The following CCDC191 variants were observed in gnomAD, a reference collection of about 807,000 sequenced individuals.
The protein encoded by CCDC191 is coiled-coil domain-containing protein 191.
CCDC191 carries 99 observed loss-of-function variants against 114.0 expected under a neutral mutation model. The ratio of observed to expected loss-of-function variants is 0.87; its 90% confidence interval spans 0.74 to 1.03. The LOEUF is 1.03. Ranked by LOEUF, CCDC191 falls within the 50% of genes least tolerant of loss-of-function variation. CCDC191 has a pLI of 0.00. For synonymous variants in CCDC191, 351 were observed against 376.0 expected (o/e 0.93, Z 0.77); for missense variants, 973 against 1,087.0 (o/e 0.90, Z 1.47).
intron 5 of CCDC191, among the ~76,000 whole-genome samples, chr3:114,035,504 T>G (rs951620861): frequency 7.9e-5 from 12 of 152,244 alleles, no homozygotes; most frequent in Non-Finnish European, 1.8e-4. Flanking sequence ...ACTTAGGTCA[T>G]GTCTGCATTC....
At chr3:114,032,384 A>G (rs1249052823) in intron 6 of CCDC191, among the ~76,000 whole-genome samples, 2 of 152,106 alleles carry the variant, frequency 1.3e-5, no homozygotes, top group Admixed American at 6.5e-5. Context: ...TTGCCCACCT[A>G]TCTATTCTTC....
At position 114,046,728 on chromosome 3, in the gene CCDC191, ACT is replaced by A; in HGVS notation, c.132_133del (p.Arg44SerfsTer16). 6.2e-7 allele frequency: 1 copy of A among 1,607,924 alleles called. No individual in the cohort carries two copies. Among genetic ancestry groups the A allele is most frequent in the Non-Finnish European group, 8.5e-7 (1 of 1,176,934 alleles). The stretch of plus-strand genomic sequence containing the variant: ...CACTGCAAACTCTGAGGCTTTCTCC[ACT>A]CTCTTCAATATAACAGAAAAAAAAA... On this transcript the variant is annotated frameshift_variant and splice_region_variant, in exon 3 of 17. Coordinates refer to ENST00000295878, the MANE Select transcript of CCDC191 (RefSeq NM_020817.2). LOFTEE classifies it high-confidence loss of function.
intron 14 of CCDC191, 143 bp downstream of exon 14, chr3:113,980,507 C>G: frequency 1.3e-6 from 1 of 768,510 alleles, no homozygotes; most frequent in Non-Finnish European, 2.0e-6. Flanking sequence ...AAAATTGTAT[C>G]CAAAACAAAT....
chr3:113,998,780 A>G (rs1361388293), intron 13 of CCDC191, among the ~76,000 whole-genome samples: 1 of 152,114 alleles, frequency 6.6e-6, no homozygotes, highest in Non-Finnish European at 1.5e-5. Flanking sequence ...CTAGATATGG[A>G]TTTGCTTTCC....
chr3:114,055,636 C>T (rs1383256681), intron 1 of CCDC191, among the ~76,000 whole-genome samples: 1 of 152,220 alleles, frequency 6.6e-6, no homozygotes. Context: ...TGAGAAGCTT[C>T]TCCATTTTAG....
rs186419537 is a variant in CCDC191, at chr3:114,056,160, T to G, written c.90+217A>C. Among the ~76,000 whole-genome samples the G allele has an allele frequency of 4.6e-3, 701 of 152,260 alleles. 7 individuals are homozygous for G. Among genetic ancestry groups the G allele is most frequent in the African/African-American group, 0.016 (663 of 41,548 alleles). Reference sequence around the variant, plus strand: ...GGTTTTAGAAAAGCGTTACAAACAGTTCTTCCACGATGCTGCCCACCAAAG... The same window carrying G: ...GGTTTTAGAAAAGCGTTACAAACAGGTCTTCCACGATGCTGCCCACCAAAG... On this transcript the variant is annotated intron_variant, in intron 1 of 16. Coordinates refer to ENST00000295878, the MANE Select transcript of CCDC191 (RefSeq NM_020817.2).
intron 13 of CCDC191, among the ~76,000 whole-genome samples, chr3:113,992,592 G>A (rs1253806722): frequency 6.6e-6 from 1 of 152,130 alleles, no homozygotes; most frequent in African/African-American, 2.4e-5. Context: ...TGGGGGGAGG[G>A]GGAAGGGATA....
At chr3:114,054,986 T>C (rs1436481461) in intron 1 of CCDC191, among the ~76,000 whole-genome samples, 4 of 151,558 alleles carry the variant, frequency 2.6e-5, no homozygotes, top group African/African-American at 9.7e-5. Context: ...AATTGCTTCT[T>C]ACTCAAATAT....
intron 8 of CCDC191, among the ~76,000 whole-genome samples, chr3:114,017,103 T>G (rs914293546): frequency 1.1e-5 from 1 of 91,944 alleles, no homozygotes; most frequent in Non-Finnish European, 2.3e-5. Flanking sequence ...AAGGATTCAC[T>G]TTTTTTTTTT....
intron 13 of CCDC191, among the ~76,000 whole-genome samples, chr3:113,988,486 C>T (rs1471790059): frequency 6.6e-6 from 1 of 151,478 alleles, no homozygotes; most frequent in African/African-American, 2.4e-5. Flanking sequence ...ATTAGCCAGG[C>T]GTGGTGGTGC....
chr3:114,008,986 C>G (rs980609026), intron 9 of CCDC191, among the ~76,000 whole-genome samples: 1 of 152,032 alleles, frequency 6.6e-6, no homozygotes, highest in Non-Finnish European at 1.5e-5. Flanking sequence ...GTCTACCAAC[C>G]AGGGCAGGAT....
At chr3:114,005,403 A>G in intron 10 of CCDC191, 105 bp downstream of exon 10, 1 of 1,162,644 alleles carries the variant, frequency 8.6e-7, no homozygotes, top group Non-Finnish European at 1.2e-6. Context: ...AAAATCAAGG[A>G]AAAGGAACAA....
intron 16 of CCDC191, among the ~76,000 whole-genome samples, chr3:113,973,837 A>C (rs1941062925): frequency 6.6e-6 from 1 of 151,716 alleles, no homozygotes; most frequent in East Asian, 1.9e-4. Context: ...CAAGTTTTGG[A>C]AAGTTTCCTA....
At chr3:114,036,986 C>T (rs2076494367) in intron 4 of CCDC191, 200 bp from the exon 5 acceptor site, 2 of 286,590 alleles carry the variant, frequency 7.0e-6, no homozygotes, top group East Asian at 1.2e-4. Flanking sequence ...CTCCACTTAC[C>T]AAGAATTGCC....
rs1368143180 is a variant in CCDC191, at chr3:114,005,622, T to G, written c.1754A>C (p.Gln585Pro). The G allele has an allele frequency of 6.2e-7, 1 of 1,614,178 alleles. No homozygotes were observed. The highest frequency in any genetic ancestry group is 8.5e-7 in the Non-Finnish European group (1 of 1,179,998). Residue 585 changes from glutamine to proline, a missense_variant, in exon 10 of 17, where the codon CAG becomes CCG. Transcript: ENST00000295878. ...TGCTGCCCACTGAGCCTCTGCCAGC[T>G]GCAGGTTTTTCTTCAGCTCGAGAAT... is the stretch of plus-strand genomic sequence containing the variant. ...KTILELKKNL[Q>P]LAEAQWAAEH... is the part of the protein sequence containing the mutation.
chr3:114,031,810 A>G (rs1312397476), intron 6 of CCDC191, 31 bp from the exon 7 acceptor site: 3 of 959,586 alleles, frequency 3.1e-6, no homozygotes, highest in Admixed American at 2.4e-5. Context: ...ATACATGTAT[A>G]TTTACAATAG....
intron 13 of CCDC191, among the ~76,000 whole-genome samples, chr3:113,991,160 C>T (rs561588271): frequency 3.4e-5 from 5 of 147,740 alleles, no homozygotes; most frequent in South Asian, 2.2e-4. Context: ...CGCTTGAACT[C>T]GGGAGGTGGA....
intron 5 of CCDC191, 122 bp from the exon 6 acceptor site, chr3:114,035,270 C>T (rs937457088): frequency 6.0e-6 from 4 of 667,436 alleles, no homozygotes; most frequent in Non-Finnish European, 7.7e-6. Context: ...CCCAGAACTC[C>T]ACTGTTTATT....
At chr3:113,984,192 G>T (rs1043106185) in intron 13 of CCDC191, 1 of 151,608 alleles carries the variant, frequency 6.6e-6, no homozygotes, top group African/African-American at 2.4e-5. Flanking sequence ...ATATATGATT[G>T]CCCCAGAGAC....
Sources: allele counts gnomAD v4.1 joint callset (sites outside exome capture counted in the v4.1 genomes callset), GRCh38; gene constraint gnomAD v4.1.1; transcripts MANE v1.5; gene names NCBI Gene and HGNC (gene_info 2026-07-23, HGNC 2026-07-21).